Variants in ELF1 observed in about 807,000 individuals in gnomAD.
ELF1 encodes E74 like ETS transcription factor 1, also known as ETS-related transcription factor Elf-1.
ELF1 carries 24 observed loss-of-function variants against 59.9 expected under a neutral mutation model. The ratio of observed to expected loss-of-function variants is 0.40; its 90% confidence interval spans 0.29 to 0.56. The LOEUF is 0.56. Ranked by LOEUF, ELF1 falls within the 20% of genes least tolerant of loss-of-function variation. ELF1 has a pLI of 0.44. For missense variants in ELF1, 627 were observed against 742.2 expected, an observed-to-expected ratio of 0.84 and a Z score of 1.80; for synonymous variants, 248 against 266.2, an observed-to-expected ratio of 0.93 and a Z score of 0.67.
chr13:41,020,860 T>C (rs145285633), upstream of ELF1, among the ~76,000 whole-genome samples: 141 of 152,284 alleles, frequency 9.3e-4, no homozygotes, highest in African/African-American at 3.0e-3. Flanking sequence ...ACCTAACAAT[T>C]TGATTATCTT....
chr13:41,004,261 GA>G lies in ELF1; in HGVS notation c.-229+14966del, dbSNP rs937482118. 4.2e-4 allele frequency among the ~76,000 whole-genome samples: 63 copies of G among 151,710 alleles called. 1 individual carries two copies. The highest frequency in any genetic ancestry group is 1.5e-3 in the South Asian group (7 of 4,812). ...GAGGGGTAAATACCTGTGAGAACCT[GA>G]AAAAACTTCATAAGGAAGTAACATG... On this transcript the variant is annotated intron_variant, in intron 1 of 8. Coordinates refer to ENST00000239882, the MANE Select transcript of ELF1 (RefSeq NM_172373.4).
chr13:41,056,398 G>T (rs897119738), intron 1 of ELF1, among the ~76,000 whole-genome samples: 8 of 152,240 alleles, frequency 5.3e-5, no homozygotes, highest in African/African-American at 1.9e-4. Context: ...GGACATTCAG[G>T]TTGTTTCTAC....
At chr13:41,025,555 A>C (rs568166722) in intron 1 of ELF1, among the ~76,000 whole-genome samples, 2 of 152,330 alleles carry the variant, frequency 1.3e-5, no homozygotes, top group Admixed American at 1.3e-4. Context: ...ATCCAGTCTC[A>C]TTTTAAAAAT....
At chr13:40,954,262 G>C (rs369435622) in intron 3 of ELF1, among the ~76,000 whole-genome samples, 1 of 152,302 alleles carries the variant, frequency 6.6e-6, no homozygotes, top group African/African-American at 2.4e-5. Flanking sequence ...ATATGGCTTG[G>C]ATTTGTCCCC....
At chr13:41,006,341 CATGAAGGAAGA>C (rs1169999243) in intron 1 of ELF1, among the ~76,000 whole-genome samples, 4 of 152,108 alleles carry the variant, frequency 2.6e-5, no homozygotes, top group Admixed American at 6.6e-5. Context: ...TTCCCCAAAC[CATGAAGGAAGA>C]ATGAAGGAAG....
chr13:41,052,239 C>T (rs1171493913), intron 1 of ELF1, among the ~76,000 whole-genome samples: 1 of 152,084 alleles, frequency 6.6e-6, no homozygotes, highest in East Asian at 1.9e-4. Flanking sequence ...TGCGCCTGGC[C>T]AGAATTACTT....
intron 1 of ELF1, among the ~76,000 whole-genome samples, chr13:40,983,352 T>A (rs1873385190): frequency 6.6e-6 from 1 of 152,198 alleles, no homozygotes; most frequent in Non-Finnish European, 1.5e-5. Flanking sequence ...ATGAAGCTGA[T>A]CTAGTGAATC....
At chr13:41,060,471 G>A (rs531359779) in intron 1 of ELF1, among the ~76,000 whole-genome samples, 3 of 152,212 alleles carry the variant, frequency 2.0e-5, no homozygotes, top group African/African-American at 7.2e-5. Flanking sequence ...CAGCCCAGGG[G>A]AAAGTGAAAC....
At chr13:41,026,296 T>C (rs1875905368) in intron 1 of ELF1, among the ~76,000 whole-genome samples, 2 of 152,220 alleles carry the variant, frequency 1.3e-5, no homozygotes, top group African/African-American at 4.8e-5. Context: ...CTCCTCCTAC[T>C]ACCAAGAAAA....
chr13:40,945,034 A>G (rs1870418822), intron 5 of ELF1, among the ~76,000 whole-genome samples: 1 of 152,180 alleles, frequency 6.6e-6, no homozygotes, highest in African/African-American at 2.4e-5. Flanking sequence ...TAGTCAGCCA[A>G]GTATCTCGAC....
intron 2 of ELF1, among the ~76,000 whole-genome samples, chr13:40,976,574 T>A (rs1422181272): frequency 6.6e-6 from 1 of 152,222 alleles, no homozygotes; most frequent in South Asian, 2.1e-4. Flanking sequence ...GGAGTTTCAC[T>A]CTTGTTGCCC....
Position 41,019,311 on chromosome 13 carries a change from T to C in ELF1, c.-312A>G. ...GTTTTAGCTGTTAAAATGGCTCCTG[T>C]AGATTGGGGAAGTGGTGTCTGTGCT... On this transcript the variant is annotated 5_prime_UTR_variant, in exon 1 of 9. Transcript: ENST00000239882. The C allele has an allele frequency of 7.1e-6, 7 of 985,402 alleles. No homozygotes were observed. Among genetic ancestry groups the C allele is most frequent in the Non-Finnish European group, 8.4e-6 (7 of 829,926 alleles). 61.0% of individuals were successfully genotyped at this position (985,402 alleles called of 1,614,324 possible). A position where few individuals can be genotyped will look rare whatever the true frequency, so the allele number is the denominator to read the frequency against.
chr13:40,961,397 A>G (rs887155149), intron 2 of ELF1, among the ~76,000 whole-genome samples: 2 of 152,160 alleles, frequency 1.3e-5, no homozygotes, highest in Non-Finnish European at 2.9e-5. Flanking sequence ...CAAAAATTAT[A>G]CTATAGAAGC....
chr13:41,007,510 T>G (rs1038379894), intron 1 of ELF1, among the ~76,000 whole-genome samples: 2 of 152,170 alleles, frequency 1.3e-5, no homozygotes, highest in African/African-American at 4.8e-5. Context: ...CTTAGCCTAC[T>G]GGAGAAGCCA....
intron 2 of ELF1, among the ~76,000 whole-genome samples, chr13:40,964,787 G>C (rs1254798611): frequency 6.6e-6 from 1 of 152,008 alleles, no homozygotes; most frequent in Non-Finnish European, 1.5e-5. Context: ...CACCCAACTC[G>C]GCCTCCCATA....
intron 5 of ELF1, among the ~76,000 whole-genome samples, chr13:40,945,430 C>T (rs2066028812): frequency 1.3e-5 from 2 of 152,116 alleles, no homozygotes; most frequent in Non-Finnish European, 2.9e-5. Context: ...AGCTTCTAAA[C>T]TGCCAATCTA....
chr13:41,023,875 C>G (rs546256180), upstream of ELF1, among the ~76,000 whole-genome samples: 35 of 152,264 alleles, frequency 2.3e-4, no homozygotes, highest in African/African-American at 7.9e-4. Context: ...TAAAACTGCT[C>G]ACTGAGGGGA....
intron 3 of ELF1, among the ~76,000 whole-genome samples, chr13:40,955,659 C>T (rs1366777569): frequency 1.6e-4 from 19 of 119,660 alleles, no homozygotes; most frequent in Non-Finnish European, 3.3e-4. Context: ...CCAGCCGCCC[C>T]GTCCGGGAGG....
chr13:40,990,985 T>G (rs905856076), intron 1 of ELF1, among the ~76,000 whole-genome samples: 12 of 151,040 alleles, frequency 7.9e-5, no homozygotes, highest in Admixed American at 7.2e-4. Flanking sequence ...CTAAGAAGAG[T>G]CCTGATGATG....
Sources: gnomAD v4.1 joint callset for allele counts (sites outside exome capture counted in the v4.1 genomes callset) on GRCh38, gnomAD v4.1.1 for gene constraint, MANE v1.5 for transcripts, NCBI Gene and HGNC (gene_info 2026-07-23, HGNC 2026-07-21) for gene names.